The following FRMD5 variants were observed in gnomAD, a reference collection of about 807,000 sequenced individuals.
FRMD5 encodes FERM domain-containing protein 5.
In FRMD5, 20 loss-of-function variants were observed where a neutral mutation model predicts 69.0. The observed-to-expected ratio is 0.29, with a 90% CI of 0.20 to 0.42. The LOEUF is 0.42. FRMD5 is among the 10% of genes least tolerant of loss of function. The pLI, the probability that FRMD5 is intolerant of heterozygous loss-of-function variation, is 1.00. For missense variants in FRMD5, 595 were observed against 708.6 expected, an observed-to-expected ratio of 0.84 and a Z score of 1.82; for synonymous variants, 271 against 260.1, an observed-to-expected ratio of 1.04 and a Z score of -0.40.
intron 1 of FRMD5, among the ~76,000 whole-genome samples, chr15:43,984,395 G>T (rs560314628): frequency 7.9e-5 from 12 of 152,328 alleles, no homozygotes; most frequent in African/African-American, 1.9e-4. Context: ...TAAGCCCCCA[G>T]TGGACAGCAG....
intron 1 of FRMD5, among the ~76,000 whole-genome samples, chr15:44,050,530 T>C (rs1396290286): frequency 3.9e-4 from 3 of 7,772 alleles, no homozygotes; most frequent in Admixed American, 3.5e-3. Flanking sequence ...CTGGCTCCCT[T>C]TTTTTTTTTT....
At chr15:43,936,482 C>T (rs2089763189) in intron 1 of FRMD5, among the ~76,000 whole-genome samples, 1 of 152,170 alleles carries the variant, frequency 6.6e-6, no homozygotes, top group South Asian at 2.1e-4. Flanking sequence ...TGAGCCACCA[C>T]GCCCGGCCAA....
At chr15:44,083,246 A>G (rs1463506024) in intron 1 of FRMD5, among the ~76,000 whole-genome samples, 1 of 152,034 alleles carries the variant, frequency 6.6e-6, no homozygotes, top group Non-Finnish European at 1.5e-5. Flanking sequence ...AGATGAAGAC[A>G]TGTAATCTCA....
At chr15:44,166,818 C>A (rs970772808) in intron 1 of FRMD5, among the ~76,000 whole-genome samples, 72 of 141,774 alleles carry the variant, frequency 5.1e-4, no homozygotes, top group African/African-American at 1.8e-3. Context: ...GAAGAAAGTT[C>A]TTGTGCAAAG....
At chr15:43,944,215 A>G (rs1010322145) in intron 1 of FRMD5, among the ~76,000 whole-genome samples, 2 of 152,242 alleles carry the variant, frequency 1.3e-5, no homozygotes, top group African/African-American at 4.8e-5. Context: ...GGAACTCTAT[A>G]GAGTCCTGAA....
intron 1 of FRMD5, among the ~76,000 whole-genome samples, chr15:44,182,864 C>T (rs1369192286): frequency 1.3e-5 from 2 of 152,100 alleles, no homozygotes; most frequent in African/African-American, 4.8e-5. Flanking sequence ...GGCATGATCT[C>T]GGCTCACTGC....
At chr15:44,194,661 G>A (rs1053521680) in intron 1 of FRMD5, 1 of 459,202 alleles carries the variant, frequency 2.2e-6, no homozygotes, top group Non-Finnish European at 3.9e-6. Context: ...TTACTCGGGC[G>A]GGCTCGAGGA....
chr15:44,180,847 A>T (rs964968173), intron 1 of FRMD5, among the ~76,000 whole-genome samples: 2 of 152,302 alleles, frequency 1.3e-5, no homozygotes, highest in Admixed American at 1.3e-4. Context: ...TTTTTATTAG[A>T]TTATAATTGA....
intron 1 of FRMD5, among the ~76,000 whole-genome samples, chr15:44,081,569 T>C (rs1893997134): frequency 6.6e-6 from 1 of 152,092 alleles, no homozygotes; most frequent in Non-Finnish European, 1.5e-5. Flanking sequence ...TTACTTATAT[T>C]TCACGTTTAC....
intron 1 of FRMD5, among the ~76,000 whole-genome samples, chr15:43,962,968 G>A (rs1002667007): frequency 2.6e-5 from 4 of 152,148 alleles, no homozygotes; most frequent in African/African-American, 9.7e-5. Flanking sequence ...AGAAAACGTA[G>A]GCAATACCAT....
chr15:43,953,185 T>A (rs1431691270), intron 1 of FRMD5, among the ~76,000 whole-genome samples: 1 of 152,346 alleles, frequency 6.6e-6, no homozygotes, highest in Non-Finnish European at 1.5e-5. Flanking sequence ...AGGAATTCAG[T>A]CAGAAGGACT....
At chr15:44,150,054 G>T (rs911423658) in intron 1 of FRMD5, among the ~76,000 whole-genome samples, 1 of 151,638 alleles carries the variant, frequency 6.6e-6, no homozygotes, top group Non-Finnish European at 1.5e-5. Context: ...AATGGAGGAA[G>T]GAAAAAAATA....
chr15:44,024,140 A>G (rs1307667546), intron 1 of FRMD5, among the ~76,000 whole-genome samples: 1 of 152,166 alleles, frequency 6.6e-6, no homozygotes, highest in Non-Finnish European at 1.5e-5. Context: ...GTTTTACATT[A>G]TTAATATTTT....
intron 1 of FRMD5, among the ~76,000 whole-genome samples, chr15:44,153,492 T>G (rs926887211): frequency 2.0e-5 from 3 of 152,214 alleles, no homozygotes; most frequent in Non-Finnish European, 4.4e-5. Context: ...TATGATTCCA[T>G]TTATATGAGG....
At chr15:44,094,320 T>G (rs1375882572) in intron 1 of FRMD5, among the ~76,000 whole-genome samples, 1 of 152,140 alleles carries the variant, frequency 6.6e-6, no homozygotes, top group African/African-American at 2.4e-5. Context: ...GGGCTGGCTT[T>G]CCATTTGTCC....
intron 1 of FRMD5, among the ~76,000 whole-genome samples, chr15:44,030,975 A>AT (rs1482810386): frequency 6.6e-6 from 1 of 151,276 alleles, no homozygotes; most frequent in Non-Finnish European, 1.5e-5. Context: ...CAGAAAAAGA[A>AT]AAAAAAAAAG....
intron 1 of FRMD5, among the ~76,000 whole-genome samples, chr15:44,109,220 C>G (rs1841536195): frequency 6.6e-6 from 1 of 151,950 alleles, no homozygotes. Context: ...CCACTGTTTG[C>G]TCTTTGCATT....
chr15:44,098,258 G>A (rs2076584250), intron 1 of FRMD5, among the ~76,000 whole-genome samples: 1 of 152,174 alleles, frequency 6.6e-6, no homozygotes, highest in South Asian at 2.1e-4. Context: ...CGGGTGCAGT[G>A]GCTCACGCCT....
In FRMD5 at chr15:44,000,459, AT is replaced by A. The variant is rs758023840; in HGVS notation, c.103-76151del. ...GATTGCTGGATCACATGGTAGTTCTATTTTTTTTTTTTTTTCTTGAGACAGA... is the reference window on the plus strand; with the variant it reads ...GATTGCTGGATCACATGGTAGTTCTATTTTTTTTTTTTTTCTTGAGACAGA... On this transcript the variant is annotated intron_variant, in intron 1 of 13. Coordinates refer to ENST00000417257, the MANE Select transcript of FRMD5 (RefSeq NM_032892.5). 7.7e-3 allele frequency among the ~76,000 whole-genome samples: 1,063 copies of A among 138,332 alleles called. 5 individuals carry two copies. Among genetic ancestry groups the A allele is most frequent in the Non-Finnish European group, 0.011 (695 of 63,036 alleles). 90.8% of individuals were successfully genotyped at this position (138,332 alleles called of 152,430 possible).
Sources: gnomAD v4.1 joint callset for allele counts (sites outside exome capture counted in the v4.1 genomes callset) on GRCh38, gnomAD v4.1.1 for gene constraint, MANE v1.5 for transcripts, NCBI Gene and HGNC (gene_info 2026-07-23, HGNC 2026-07-21) for gene names.